The following SLC39A11 variants were observed in gnomAD, a reference collection of about 807,000 sequenced individuals.
SLC39A11 encodes the protein zinc transporter ZIP11.
SLC39A11 carries 33 observed loss-of-function variants against 36.1 expected under a neutral mutation model. That is an observed-to-expected ratio of 0.91 (90% CI 0.69 to 1.22). The LOEUF (loss-of-function observed/expected upper bound fraction) is 1.22. Among genes scored for constraint, SLC39A11 ranks in the 50% most tolerant of loss-of-function variants. SLC39A11 has a pLI of 0.00. For synonymous variants in SLC39A11, 166 were observed against 170.3 expected (o/e 0.97, Z 0.20); for missense variants, 432 against 430.3 (o/e 1.00, Z -0.03).
intron 4 of SLC39A11, among the ~76,000 whole-genome samples, chr17:73,020,680 C>CTTTTTTTTTTTTTTTTTT (rs71154945): frequency 4.3e-4 from 43 of 98,886 alleles, no homozygotes; most frequent in African/African-American, 5.2e-4. Flanking sequence ...TTGTTTCTTT[C>CTTTTTTTTTTTTTTTTTT]TTTTTTTTTT....
intron 7 of SLC39A11, among the ~76,000 whole-genome samples, chr17:72,693,680 G>A (rs1376246597): frequency 6.6e-6 from 1 of 152,062 alleles, no homozygotes; most frequent in African/African-American, 2.4e-5. Flanking sequence ...CAACTTCCTG[G>A]AGGACAAATG....
chr17:73,058,218 G>A (rs1038416063), intron 3 of SLC39A11, among the ~76,000 whole-genome samples: 1 of 152,016 alleles, frequency 6.6e-6, no homozygotes, highest in African/African-American at 2.4e-5. Context: ...TACTATTTTG[G>A]CCTGAAATCT....
chr17:72,800,234 G>A (rs1009694383), intron 6 of SLC39A11, among the ~76,000 whole-genome samples: 4 of 151,666 alleles, frequency 2.6e-5, no homozygotes, highest in Non-Finnish European at 5.9e-5. Flanking sequence ...TAGGTGGAGA[G>A]AGCTCCAGAA....
chr17:72,655,854 G>A (rs2070091274), intron 7 of SLC39A11, among the ~76,000 whole-genome samples: 1 of 152,190 alleles, frequency 6.6e-6, no homozygotes, highest in South Asian at 2.1e-4. Flanking sequence ...CTCAGTGGTA[G>A]GGGGTGAGCC....
At chr17:73,039,662 GGTGA>G (rs1452536608) in intron 3 of SLC39A11, among the ~76,000 whole-genome samples, 5 of 152,188 alleles carry the variant, frequency 3.3e-5, no homozygotes, top group Admixed American at 1.3e-4. Flanking sequence ...ACAAACATGG[GGTGA>G]GTAATTGTTT....
chr17:72,966,110 G>C (rs551927597), intron 4 of SLC39A11, among the ~76,000 whole-genome samples: 2 of 152,234 alleles, frequency 1.3e-5, no homozygotes, highest in Non-Finnish European at 1.5e-5. Flanking sequence ...GACAGGCCCA[G>C]CTGAGGGCAA....
chr17:72,903,201 G>T (rs918725112), intron 5 of SLC39A11, among the ~76,000 whole-genome samples: 15 of 150,620 alleles, frequency 1.0e-4, no homozygotes, highest in African/African-American at 3.4e-4. Flanking sequence ...GGGAGGCAGA[G>T]GATGCAGTGA....
intron 6 of SLC39A11, among the ~76,000 whole-genome samples, chr17:72,743,084 C>A (rs910934820): frequency 5.9e-5 from 9 of 152,158 alleles, no homozygotes; most frequent in African/African-American, 2.2e-4. Context: ...TAGCTCACAG[C>A]CTGAGCTTGC....
At chr17:72,859,069 G>C (rs1015124344) in intron 5 of SLC39A11, among the ~76,000 whole-genome samples, 1 of 152,178 alleles carries the variant, frequency 6.6e-6, no homozygotes, top group African/African-American at 2.4e-5. Flanking sequence ...GCCTTGTCTT[G>C]CTCTGGTTTC....
In SLC39A11 at chr17:72,648,895, C is replaced by T; in HGVS notation, c.837G>A (p.Leu279=). 6.2e-7 allele frequency: 1 copy of T among 1,614,146 alleles called. No homozygotes were observed. The highest frequency in any genetic ancestry group is 8.5e-7 in the Non-Finnish European group (1 of 1,180,030). ...GAGCGTAGGGCAGGATGGGCTCAGC[C>T]AGCACCACGGCAAAGGCACCAAAGA... The part of the protein sequence containing the change: ...AGVFGAFAVV[L]AEPILPYALA... Residue 279 remains leucine (L), a synonymous_variant, in exon 9 of 10, where the codon CTG becomes CTA. Transcript: ENST00000255559.
At chr17:72,837,105 A>G (rs1490968818) in intron 6 of SLC39A11, among the ~76,000 whole-genome samples, 1 of 152,122 alleles carries the variant, frequency 6.6e-6, no homozygotes, top group Admixed American at 6.5e-5. Flanking sequence ...GGGAGACTGC[A>G]CAAGGGCAAG....
Position 72,799,264 on chromosome 17 carries a change from G to A in SLC39A11, c.601+50370C>T, listed in dbSNP as rs912895589. ...TCTCTTAATCCTGTTATCTTTGTAA[G>A]CTGAGGATGTATGTCACCTCGGGAC... On this transcript the variant is annotated intron_variant, in intron 6 of 9. Transcript: ENST00000255559. 3.9e-5 allele frequency among the ~76,000 whole-genome samples: 6 copies of A among 152,150 alleles called. No individual in the cohort carries two copies. The South Asian group carries it at 6.2e-4, about 16-fold the overall frequency.
At chr17:72,729,405 T>TTATATATA (rs1162603035) in intron 7 of SLC39A11, among the ~76,000 whole-genome samples, 13 of 29,222 alleles carry the variant, frequency 4.4e-4, no homozygotes, top group South Asian at 1.9e-3. Flanking sequence ...ACCTGGCTAT[T>TTATATATA]TATATATATA....
intron 6 of SLC39A11, among the ~76,000 whole-genome samples, chr17:72,768,207 A>G (rs117010539): frequency 0.019 from 2,917 of 152,318 alleles, 87 homozygotes; most frequent in East Asian, 0.11. Flanking sequence ...CAACCTATGT[A>G]TACACTTTAG....
intron 6 of SLC39A11, among the ~76,000 whole-genome samples, chr17:72,836,933 T>C (rs2078575910): frequency 6.6e-6 from 1 of 152,188 alleles, no homozygotes; most frequent in African/African-American, 2.4e-5. Context: ...TCACGGTTTC[T>C]CCTGGAAAGG....
intron 6 of SLC39A11, among the ~76,000 whole-genome samples, chr17:72,809,516 A>G (rs1194437559): frequency 1.3e-5 from 2 of 152,024 alleles, no homozygotes; most frequent in Non-Finnish European, 2.9e-5. Context: ...CCCTTTTGCA[A>G]TCACCTGGAC....
intron 1 of SLC39A11, among the ~76,000 whole-genome samples, chr17:73,089,156 C>T (rs986350355): frequency 6.6e-6 from 1 of 152,254 alleles, no homozygotes; most frequent in African/African-American, 2.4e-5. Context: ...CCGTCTCTTG[C>T]CCACCATCCG....
chr17:72,895,185 G>A (rs1387053177), intron 5 of SLC39A11, among the ~76,000 whole-genome samples: 1 of 152,176 alleles, frequency 6.6e-6, no homozygotes, highest in Non-Finnish European at 1.5e-5. Context: ...GGGAAGGCTG[G>A]GAGGCAGCAG....
At chr17:73,068,148 C>T in intron 3 of SLC39A11, 1 of 1,308,430 alleles carries the variant, frequency 7.6e-7, no homozygotes, top group East Asian at 2.3e-5. Context: ...GTGTCGCCAG[C>T]AGGTTCCTCT....
Sources: gnomAD v4.1 joint callset for allele counts (sites outside exome capture counted in the v4.1 genomes callset) on GRCh38, gnomAD v4.1.1 for gene constraint, MANE v1.5 for transcripts, NCBI Gene and HGNC (gene_info 2026-07-23, HGNC 2026-07-21) for gene names.